The following CYB5R3 variants were observed in gnomAD, a reference collection of about 807,000 sequenced individuals.
The protein encoded by CYB5R3 is NADH-cytochrome b5 reductase 3.
CYB5R3 carries 28 observed loss-of-function variants against 36.5 expected under a neutral mutation model. The observed-to-expected ratio is 0.77, with a 90% CI of 0.57 to 1.05. The LOEUF is 1.05. Ranked by LOEUF, CYB5R3 falls within the 50% of genes least tolerant of loss-of-function variation. CYB5R3 has a pLI of 0.00. For missense variants in CYB5R3, 474 were observed against 408.9 expected (o/e 1.16, Z -1.37); for synonymous variants, 181 against 159.8 (o/e 1.13, Z -1.00).
intron 8 of CYB5R3, among the ~76,000 whole-genome samples, chr22:42,622,078 C>T (rs1024551834): frequency 3.5e-4 from 48 of 137,258 alleles, no homozygotes; most frequent in Non-Finnish European, 5.2e-4. Flanking sequence ...ACGCGACACA[C>T]GCCCAGCTAA....
At chr22:42,645,511 G>A (rs549831446) in intron 1 of CYB5R3, among the ~76,000 whole-genome samples, 3 of 152,252 alleles carry the variant, frequency 2.0e-5, no homozygotes, top group South Asian at 2.1e-4. Context: ...GAGGACATAC[G>A]CAGCTCCCGT....
intron 7 of CYB5R3, among the ~76,000 whole-genome samples, chr22:42,624,805 G>T (rs1263422735): frequency 6.6e-6 from 1 of 152,098 alleles, no homozygotes; most frequent in African/African-American, 2.4e-5. Context: ...GGGCAAGGGC[G>T]GGGTGGACTC....
At chr22:42,630,740 CCT>C in intron 4 of CYB5R3, 140 bp downstream of exon 4, 7 of 735,852 alleles carry the variant, frequency 9.5e-6, no homozygotes, top group Non-Finnish European at 1.4e-5. Context: ...CCTGCAAGCC[CCT>C]GAGGAAGTGG....
chr22:42,642,950 C>G (rs1332965975), intron 1 of CYB5R3, among the ~76,000 whole-genome samples: 1 of 152,212 alleles, frequency 6.6e-6, no homozygotes, highest in African/African-American at 2.4e-5. Context: ...TACAAGTTCC[C>G]TTTTCACTTT....
chr22:42,627,183 C>T (rs1928313985), intron 7 of CYB5R3, 121 bp downstream of exon 7: 2 of 854,076 alleles, frequency 2.3e-6, no homozygotes, highest in Admixed American at 4.0e-5. Flanking sequence ...CAGGGCCCCC[C>T]ATCCCGGTCA....
intron 1 of CYB5R3, among the ~76,000 whole-genome samples, chr22:42,644,080 C>T (rs968851684): frequency 6.6e-6 from 1 of 152,086 alleles, no homozygotes; most frequent in African/African-American, 2.4e-5. Context: ...TTATCTATCC[C>T]TCAGATAGAT....
In CYB5R3 at chr22:42,628,273, G is replaced by A. The variant is rs1235720032; in HGVS notation, c.342C>T (p.Phe114=). ...GFVDLVIKVY[F]KDTHPKFPAG... Reference sequence around the variant, plus strand: ...CGGGAAACTTGGGATGGGTGTCCTTGAAGTAAACCTGCAAGACACCCCCGC... The same window carrying A: ...CGGGAAACTTGGGATGGGTGTCCTTAAAGTAAACCTGCAAGACACCCCCGC... The change falls in exon 5 of 9, where the codon TTC becomes TTT. Residue 114 remains phenylalanine, a synonymous_variant. Transcript: ENST00000352397. 6.2e-7 allele frequency: 1 copy of A among 1,613,962 alleles called. No homozygotes were observed.
chr22:42,622,245 A>G (rs1928015936), intron 8 of CYB5R3, among the ~76,000 whole-genome samples: 1 of 152,056 alleles, frequency 6.6e-6, no homozygotes, highest in Non-Finnish European at 1.5e-5. Flanking sequence ...TAGAAGAGAA[A>G]CAGCAGCTAG....
At chr22:42,638,986 A>T (rs1929073102) in intron 1 of CYB5R3, 1 of 404,602 alleles carries the variant, frequency 2.5e-6, no homozygotes, top group Non-Finnish European at 4.8e-6. Context: ...GTGAGCCGAG[A>T]TCGTGCCATT....
At chr22:42,624,960 C>A (rs1928189609) in intron 7 of CYB5R3, among the ~76,000 whole-genome samples, 1 of 152,132 alleles carries the variant, frequency 6.6e-6, no homozygotes, top group Admixed American at 6.5e-5. Context: ...GTGTGAGGGG[C>A]ATAAGCCTCA....
intron 7 of CYB5R3, among the ~76,000 whole-genome samples, chr22:42,625,091 G>A (rs1383301549): frequency 6.6e-6 from 1 of 152,136 alleles, no homozygotes; most frequent in Non-Finnish European, 1.5e-5. Flanking sequence ...TGGGCTAGAT[G>A]AACTCAAGGA....
chr22:42,643,860 AG>A (rs1929407823), intron 1 of CYB5R3, among the ~76,000 whole-genome samples: 1 of 151,844 alleles, frequency 6.6e-6, no homozygotes. Flanking sequence ...GAGGGTGGGG[AG>A]GAAGGAGGCA....
chr22:42,644,808 G>C (rs1929462266), intron 1 of CYB5R3, among the ~76,000 whole-genome samples: 1 of 152,158 alleles, frequency 6.6e-6, no homozygotes, highest in African/African-American at 2.4e-5. Context: ...GTGCTCCCTG[G>C]AGTTCTGTTT....
intron 1 of CYB5R3, chr22:42,646,750 G>C (rs994756810): frequency 2.0e-6 from 2 of 986,118 alleles, no homozygotes; most frequent in African/African-American, 1.7e-5. Flanking sequence ...GTTCTGCAGT[G>C]GGGGGCTCTG....
intron 1 of CYB5R3, among the ~76,000 whole-genome samples, chr22:42,647,320 A>C (rs908782934): frequency 1.3e-5 from 2 of 152,208 alleles, no homozygotes; most frequent in African/African-American, 4.8e-5. Context: ...TTCAACAGAA[A>C]TATATGGAAT....
chr22:42,637,935 G>C (rs900769798), intron 1 of CYB5R3, among the ~76,000 whole-genome samples: 1 of 152,220 alleles, frequency 6.6e-6, no homozygotes, highest in South Asian at 2.1e-4. Flanking sequence ...CCCTGCCCCC[G>C]ACATCTCAGT....
intron 1 of CYB5R3, among the ~76,000 whole-genome samples, chr22:42,637,940 C>G (rs1434395874): frequency 2.3e-4 from 35 of 152,210 alleles, no homozygotes; most frequent in Admixed American, 2.3e-3. Context: ...CCCCCGACAT[C>G]TCAGTCTCCT....
chr22:42,628,248 C>A lies in CYB5R3; in HGVS notation c.367G>T (p.Ala123Ser), dbSNP rs367914897. The A allele has an allele frequency of 2.9e-5, 46 of 1,613,990 alleles. No homozygotes were observed. The highest frequency in any genetic ancestry group is 3.8e-5 in the Non-Finnish European group (45 of 1,179,982). The change falls in exon 5 of 9, where the codon GCT (alanine) becomes TCT (serine). Residue 123 changes from alanine to serine, a missense_variant. By Grantham distance (99) the Ala-to-Ser change is moderately conservative. Transcript: ENST00000352397. ...YFKDTHPKFP[A>S]GGKMSQYLES... is the part of the protein sequence containing the mutation. ...AGGTACTGAGACATCTTCCCTCCAG[C>A]GGGAAACTTGGGATGGGTGTCCTTG...
intron 1 of CYB5R3, among the ~76,000 whole-genome samples, chr22:42,642,588 G>A (rs906790863): frequency 6.6e-6 from 1 of 152,098 alleles, no homozygotes; most frequent in African/African-American, 2.4e-5. Context: ...ACAGGCGTTC[G>A]CCACCAAGCC....
Sources: gnomAD v4.1 joint callset for allele counts (sites outside exome capture counted in the v4.1 genomes callset) on GRCh38, gnomAD v4.1.1 for gene constraint, MANE v1.5 for transcripts, NCBI Gene and HGNC (gene_info 2026-07-23, HGNC 2026-07-21) for gene names.